The following CCDC92B variants were observed in gnomAD, a reference collection of about 807,000 sequenced individuals.
The protein encoded by CCDC92B is coiled-coil domain-containing 92B.
Under a neutral mutation model 5.6 loss-of-function variants are expected in CCDC92B, and 2 were observed. That is an observed-to-expected ratio of 0.36 (90% CI 0.15 to 1.12). CCDC92B has a LOEUF of 1.12. Ranked by LOEUF, CCDC92B falls within the 50% of genes most tolerant of loss-of-function variation. The pLI is 0.40. For missense variants in CCDC92B, 271 were observed against 262.2 expected, an observed-to-expected ratio of 1.03 and a Z score of -0.23; for synonymous variants, 115 against 122.3, an observed-to-expected ratio of 0.94 and a Z score of 0.39.
chr17:2,733,593 G>C (rs1172898736), intron 2 of CCDC92B, among the ~76,000 whole-genome samples: 2 of 151,598 alleles, frequency 1.3e-5, no homozygotes. Context: ...CAATGAAAAG[G>C]TGGCATCAGG....
intron 1 of CCDC92B, among the ~76,000 whole-genome samples, chr17:2,742,232 C>T (rs1442776384): frequency 5.3e-5 from 8 of 151,938 alleles, no homozygotes; most frequent in Non-Finnish European, 8.8e-5. Context: ...CCCCCGTGCC[C>T]GGCTAATTTT....
chr17:2,722,235 G>A lies in CCDC92B; in HGVS notation c.*2176C>T, dbSNP rs1355767276. The A allele has an allele frequency of 6.6e-6, 1 of 152,236 alleles. No homozygotes were observed. Among genetic ancestry groups the A allele is most frequent in the African/African-American group, 2.4e-5 (1 of 41,370 alleles). 9.4% of individuals were successfully genotyped at this position (152,236 alleles called of 1,614,324 possible). On this transcript the variant is annotated 3_prime_UTR_variant, in exon 4 of 4. Transcript: ENST00000614400. ...GAGTGAGGCCCTCACACACAAGACA[G>A]GTTCTGAAAGGGAGGGGGACAGAAT...
chr17:2,735,738 AC>A (rs2070851248), intron 1 of CCDC92B, among the ~76,000 whole-genome samples: 1 of 151,914 alleles, frequency 6.6e-6, no homozygotes, highest in South Asian at 2.1e-4. Context: ...GGCCCATATA[AC>A]TTTAGCCTCT....
chr17:2,744,064 G>A (rs2070956082), intron 1 of CCDC92B, among the ~76,000 whole-genome samples: 1 of 152,068 alleles, frequency 6.6e-6, no homozygotes, highest in Non-Finnish European at 1.5e-5. Flanking sequence ...TTTTAGCAGA[G>A]ATGGGGTTTC....
At chr17:2,736,171 G>A (rs566851166) in intron 1 of CCDC92B, among the ~76,000 whole-genome samples, 12 of 152,222 alleles carry the variant, frequency 7.9e-5, no homozygotes, top group African/African-American at 2.9e-4. Flanking sequence ...GGCTCACACA[G>A]TAATCCCAGC....
chr17:2,729,655 T>C (rs868169328), intron 3 of CCDC92B, among the ~76,000 whole-genome samples: 2 of 152,042 alleles, frequency 1.3e-5, no homozygotes, highest in Non-Finnish European at 2.9e-5. Flanking sequence ...GGGGAAAAAA[T>C]GACAAAATTT....
Position 2,739,258 on chromosome 17 carries a change from T to G in CCDC92B, c.-23-4090A>C, listed in dbSNP as rs533567430. Among the ~76,000 whole-genome samples the G allele has an allele frequency of 3.3e-5, 5 of 149,972 alleles. No individual in the cohort carries two copies. In the Admixed American group the frequency reaches 3.3e-4, roughly 10 times the overall value. ...GGCGGGCGCCTGTAGTCCCAGCTACTCGGGAGGCTGAGGCAGGAGAATTGT... is the reference window on the plus strand; with the variant it reads ...GGCGGGCGCCTGTAGTCCCAGCTACGCGGGAGGCTGAGGCAGGAGAATTGT... On this transcript the variant is annotated intron_variant, in intron 1 of 3. Transcript: ENST00000614400.
chr17:2,732,474 T>A (rs2070804235), intron 2 of CCDC92B, among the ~76,000 whole-genome samples: 1 of 152,174 alleles, frequency 6.6e-6, no homozygotes, highest in Non-Finnish European at 1.5e-5. Context: ...GCCAGCACTT[T>A]GGGAGGCCAC....
intron 1 of CCDC92B, among the ~76,000 whole-genome samples, chr17:2,736,703 C>G (rs1269923745): frequency 2.0e-5 from 3 of 151,772 alleles, no homozygotes; most frequent in Non-Finnish European, 4.4e-5. Flanking sequence ...CGTGGTGAAA[C>G]CCCATCTCTA....
chr17:2,745,230 C>A (rs1158027497), intron 1 of CCDC92B, among the ~76,000 whole-genome samples: 2 of 151,898 alleles, frequency 1.3e-5, no homozygotes, highest in Admixed American at 6.6e-5. Flanking sequence ...TCAAGGAGTA[C>A]GTGTGTGTGT....
Position 2,723,833 on chromosome 17 carries a change from C to T in CCDC92B, c.*578G>A. ...TTTCCCACCAGGGGCTCTGGGAGGA[C>T]GTGTCTTCTAAAGTGTTCCGTGCTC... On this transcript the variant is annotated 3_prime_UTR_variant, in exon 4 of 4. Coordinates refer to ENST00000614400, the MANE Select transcript of CCDC92B (RefSeq NM_001355573.2). The T allele has an allele frequency of 6.9e-6, 3 of 436,868 alleles. No individual in the cohort carries two copies. Among genetic ancestry groups the T allele is most frequent in the Non-Finnish European group, 9.1e-6 (3 of 327,966 alleles). 27.1% of individuals were successfully genotyped at this position (436,868 alleles called of 1,614,324 possible).
intron 1 of CCDC92B, among the ~76,000 whole-genome samples, chr17:2,740,621 C>T (rs887769289): frequency 1.3e-5 from 2 of 151,924 alleles, no homozygotes; most frequent in African/African-American, 4.8e-5. Flanking sequence ...CGACATCGTG[C>T]TACTGCACTC....
In CCDC92B at chr17:2,723,785, G is replaced by A. The variant is rs971298242; in HGVS notation, c.*626C>T. ...TAATCCTCTCCCAGGGCCCATGGAA[G>A]TTAGGCTTCCATCAGGCGCACTTTT... On this transcript the variant is annotated 3_prime_UTR_variant, in exon 4 of 4. Coordinates refer to ENST00000614400, the MANE Select transcript of CCDC92B (RefSeq NM_001355573.2). The A allele has an allele frequency of 4.7e-6, 1 of 213,246 alleles. No homozygotes were observed. The highest frequency in any genetic ancestry group is 8.1e-6 in the Non-Finnish European group (1 of 123,762). The allele number at this position is 213,246 out of a possible 1,614,324, so 13.2% of individuals were successfully genotyped here.
chr17:2,740,480 G>A (rs1032543507), intron 1 of CCDC92B, among the ~76,000 whole-genome samples: 2 of 151,700 alleles, frequency 1.3e-5, no homozygotes, highest in Non-Finnish European at 2.9e-5. Flanking sequence ...TGGCCAACAT[G>A]GGTGAAATAC....
chr17:2,724,097 G>A lies in CCDC92B; in HGVS notation c.*314C>T. ...GTCGGCTTTCCCGGGGAAGGGCGTG[G>A]CCCCCGCCCCTCCTGTCTCACAGGC... On this transcript the variant is annotated 3_prime_UTR_variant, in exon 4 of 4. Coordinates refer to ENST00000614400, the MANE Select transcript of CCDC92B (RefSeq NM_001355573.2). This position sits in a 1 kb window ranked among gnomAD's most constrained non-coding sequence, Gnocchi z 5.0. 1 of 985,390 alleles carries A rather than the reference G, an allele frequency of 1.0e-6. No individual in the cohort carries two copies. The highest frequency in any genetic ancestry group is 1.2e-6 in the Non-Finnish European group (1 of 829,944). 61.0% of individuals were successfully genotyped at this position (985,390 alleles called of 1,614,324 possible).
At chr17:2,748,226 C>G (rs1464506486) in intron 1 of CCDC92B, 3 of 669,186 alleles carry the variant, frequency 4.5e-6, no homozygotes, top group African/African-American at 1.8e-5. Context: ...AGGCCATCCC[C>G]TCACTTACTA....
In CCDC92B at chr17:2,742,435, G is replaced by A. The variant is rs1328132275; in HGVS notation, c.-24+6976C>T. On this transcript the variant is annotated intron_variant, in intron 1 of 3. Transcript: ENST00000614400. Reference sequence around the variant, plus strand: ...TGGATGAGATGATGGAGGTGAAGGCGGAGAGTGGTCCTAGGTGTATTTTAG... The same window carrying A: ...TGGATGAGATGATGGAGGTGAAGGCAGAGAGTGGTCCTAGGTGTATTTTAG... 6.6e-5 allele frequency among the ~76,000 whole-genome samples: 10 copies of A among 152,236 alleles called. No homozygotes were observed. In the East Asian group the frequency reaches 9.6e-4, roughly 15 times the overall value.
At chr17:2,739,892 C>G (rs1205270167) in intron 1 of CCDC92B, among the ~76,000 whole-genome samples, 5 of 151,992 alleles carry the variant, frequency 3.3e-5, no homozygotes, top group Non-Finnish European at 7.3e-5. Flanking sequence ...AAGCACTGTC[C>G]TGGGTTTGGG....
At chr17:2,748,541 CAT>C in intron 1 of CCDC92B, 1 of 893,944 alleles carries the variant, frequency 1.1e-6, no homozygotes, top group African/African-American at 1.9e-5. Context: ...TGTGTGTGTG[CAT>C]GTGCCTGAAT....
Sources: allele counts gnomAD v4.1 joint callset (sites outside exome capture counted in the v4.1 genomes callset), GRCh38; gene constraint gnomAD v4.1.1; non-coding constraint Gnocchi (gnomAD v3.1); transcripts MANE v1.5; gene names NCBI Gene and HGNC (gene_info 2026-07-23, HGNC 2026-07-21).